The following MAF variants were observed in gnomAD, a reference collection of about 807,000 sequenced individuals.
MAF encodes MAF bZIP transcription factor, also known as transcription factor Maf.
MAF carries 10 observed loss-of-function variants against 22.0 expected under a neutral mutation model. The ratio of observed to expected loss-of-function variants is 0.45; its 90% confidence interval spans 0.28 to 0.77. MAF has a LOEUF of 0.77. Among genes scored for constraint, MAF ranks in the 30% least tolerant of loss-of-function variants. The probability of loss-of-function intolerance (pLI) is 0.12; values close to 1 mark genes in which losing one functional copy is unlikely to be tolerated. For synonymous variants in MAF, 337 were observed against 255.8 expected (o/e 1.32, Z -3.03); for missense variants, 544 against 548.4 (o/e 0.99, Z 0.08).
chr16:79,426,955 C>A, the MAF span, among the ~76,000 whole-genome samples: 1 of 152,158 alleles, frequency 6.6e-6, no homozygotes, highest in East Asian at 1.9e-4. Flanking sequence ...CTGAATCAAA[C>A]CGCACCTGAA....
chr16:79,304,538 A>ACTAG, the MAF span, among the ~76,000 whole-genome samples: 1 of 152,180 alleles, frequency 6.6e-6, no homozygotes. Flanking sequence ...CACTACCAGA[A>ACTAG]CTAGCCCTTT....
At chr16:79,443,295 G>C in the MAF span, among the ~76,000 whole-genome samples, 1 of 152,100 alleles carries the variant, frequency 6.6e-6, no homozygotes, top group African/African-American at 2.4e-5. Flanking sequence ...AGACTTCAAA[G>C]TGTCAACCCC....
chr16:79,516,954 T>A, the MAF span, among the ~76,000 whole-genome samples: 1 of 152,262 alleles, frequency 6.6e-6, no homozygotes, highest in Non-Finnish European at 1.5e-5. Context: ...TGAGAACCTC[T>A]GAACCAGAGG....
chr16:79,493,665 T>C, the MAF span, among the ~76,000 whole-genome samples: 8 of 152,234 alleles, frequency 5.3e-5, no homozygotes, highest in Non-Finnish European at 1.2e-4. Flanking sequence ...TGTGGTCTTT[T>C]ATTTCACTAA....
At chr16:79,537,821 C>T in the MAF span, among the ~76,000 whole-genome samples, 1 of 152,144 alleles carries the variant, frequency 6.6e-6, no homozygotes, top group Non-Finnish European at 1.5e-5. Context: ...ACCTCTGAAC[C>T]TCAGAATGAC....
the MAF span, among the ~76,000 whole-genome samples, chr16:79,400,733 T>G: frequency 1.3e-5 from 2 of 152,364 alleles, no homozygotes; most frequent in African/African-American, 4.8e-5. Flanking sequence ...ATAGAGACCC[T>G]ATACCCGGAG....
At chr16:79,243,947 C>CAAAACCAATG in the MAF span, among the ~76,000 whole-genome samples, 1 of 151,910 alleles carries the variant, frequency 6.6e-6, no homozygotes, top group South Asian at 2.1e-4. Flanking sequence ...GTTACATAAA[C>CAAAACCAATG]AAAACCAATG....
the MAF span, among the ~76,000 whole-genome samples, chr16:79,496,676 A>T: frequency 6.6e-6 from 1 of 152,238 alleles, no homozygotes; most frequent in Admixed American, 6.5e-5. Flanking sequence ...TTCTCTTCAT[A>T]ATGCAGATGG....
chr16:79,341,637 G>C, the MAF span, among the ~76,000 whole-genome samples: 1 of 152,148 alleles, frequency 6.6e-6, no homozygotes, highest in African/African-American at 2.4e-5. Flanking sequence ...TATTAGGTTG[G>C]CTATTGAAGA....
At position 79,596,793 on chromosome 16, in the gene MAF, C is replaced by T. The variant is rs1176392175; in HGVS notation, c.1118+1992G>A. The T allele has an allele frequency of 6.7e-6, 7 of 1,047,218 alleles. No individual in the cohort carries two copies. In the South Asian group the frequency reaches 2.8e-4, roughly 41 times the overall value. The allele number at this position is 1,047,218 out of a possible 1,614,324, so 64.9% of individuals were successfully genotyped here. A position where few individuals can be genotyped will look rare whatever the true frequency, so the allele number is the denominator to read the frequency against. On this transcript the variant is annotated intron_variant, in intron 1 of 1. Coordinates refer to ENST00000326043, the MANE Select transcript of MAF (RefSeq NM_005360.5). The stretch of plus-strand genomic sequence containing the variant: ...GAAAATCCAGTTCTGCACCACAATA[C>T]AACTGTAAAAAAATCTGCATCATCT...
At chr16:79,467,560 G>T in the MAF span, among the ~76,000 whole-genome samples, 16 of 152,332 alleles carry the variant, frequency 1.1e-4, no homozygotes, top group African/African-American at 3.8e-4. Context: ...GGTGATTCCA[G>T]AGCTCGTGCC....
the MAF span, among the ~76,000 whole-genome samples, chr16:79,454,200 T>A: frequency 6.6e-5 from 10 of 152,136 alleles, no homozygotes; most frequent in Non-Finnish European, 1.5e-4. Context: ...TCATTGACCA[T>A]GGAGAGGCTG....
At chr16:79,343,080 G>A in the MAF span, among the ~76,000 whole-genome samples, 1 of 152,204 alleles carries the variant, frequency 6.6e-6, no homozygotes. Flanking sequence ...GGAGGCAAGA[G>A]AAAGTTAAGA....
chr16:79,408,233 G>C, the MAF span, among the ~76,000 whole-genome samples: 2 of 152,114 alleles, frequency 1.3e-5, no homozygotes, highest in Non-Finnish European at 2.9e-5. Flanking sequence ...CTGGAGTGCA[G>C]TGATGGGATC....
the MAF span, among the ~76,000 whole-genome samples, chr16:79,288,709 G>A: frequency 2.0e-5 from 3 of 152,162 alleles, no homozygotes; most frequent in African/African-American, 7.2e-5. Context: ...GACATTCCAG[G>A]TGGAAGAGAA....
chr16:79,563,809 T>C, the MAF span, among the ~76,000 whole-genome samples: 164 of 152,234 alleles, frequency 1.1e-3, no homozygotes, highest in African/African-American at 3.9e-3. Flanking sequence ...GGAGTTTTCA[T>C]ATCTGATTCC....
chr16:79,371,302 G>C, the MAF span, among the ~76,000 whole-genome samples: 1 of 152,230 alleles, frequency 6.6e-6, no homozygotes, highest in East Asian at 1.9e-4. Flanking sequence ...CTTGAGGTCA[G>C]ATTAGAAATT....
chr16:79,550,579 G>C, the MAF span, among the ~76,000 whole-genome samples: 4 of 152,184 alleles, frequency 2.6e-5, no homozygotes, highest in South Asian at 8.3e-4. Flanking sequence ...GCAAAAAGGA[G>C]AGAAAATGAA....
At chr16:79,428,096 T>TAAAAA in the MAF span, among the ~76,000 whole-genome samples, 110 of 104,080 alleles carry the variant, frequency 1.1e-3, 2 homozygotes, top group African/African-American at 2.2e-3. Context: ...CGACTCAAAT[T>TAAAAA]AAAAAAAAAA....
Sources: gnomAD v4.1 joint callset for allele counts (sites outside exome capture counted in the v4.1 genomes callset) on GRCh38, gnomAD v4.1.1 for gene constraint, MANE v1.5 for transcripts, NCBI Gene and HGNC (gene_info 2026-07-23, HGNC 2026-07-21) for gene names.